The following PLOD2 variants were observed in gnomAD, a reference collection of about 807,000 sequenced individuals.
PLOD2 encodes lysine hydroxylase 2.
Under a neutral mutation model 101.0 loss-of-function variants are expected in PLOD2, and 65 were observed. The observed-to-expected ratio is 0.64, with a 90% confidence interval of 0.53 to 0.79. The LOEUF (loss-of-function observed/expected upper bound fraction) is 0.79, where lower values mean the gene tolerates loss of function less well. Ranked by LOEUF, PLOD2 falls within the 30% of genes least tolerant of loss-of-function variation. The pLI is 0.00. For synonymous variants in PLOD2, 314 were observed against 302.9 expected, an observed-to-expected ratio of 1.04 and a Z score of -0.38; for missense variants, 909 against 914.6, an observed-to-expected ratio of 0.99 and a Z score of 0.08.
intron 1 of PLOD2, among the ~76,000 whole-genome samples, chr3:146,151,268 TG>T (rs1469793419): frequency 6.6e-6 from 1 of 151,886 alleles, no homozygotes; most frequent in Non-Finnish European, 1.5e-5. Flanking sequence ...GAGGCTGAGG[TG>T]GGCGGATCAC....
intron 7 of PLOD2, among the ~76,000 whole-genome samples, chr3:146,098,349 A>C (rs928530059): frequency 4.6e-5 from 7 of 152,218 alleles, no homozygotes; most frequent in African/African-American, 1.7e-4. Flanking sequence ...GTAAACCTTC[A>C]AATTAGAAAC....
rs970553133 is a variant in PLOD2 at position 146,136,675 on chromosome 3, C to T, written c.110-12446G>A. On this transcript the variant is annotated intron_variant, in intron 1 of 19. Transcript: ENST00000282903. ...TAGTGATATAGTAGCAGTCATAGCA[C>T]AATGGGTTGCCTTTTTTATGTTTAG... is the stretch of plus-strand genomic sequence containing the variant. Among the ~76,000 whole-genome samples the T allele has an allele frequency of 2.6e-5, 4 of 152,136 alleles. No homozygotes were observed. The East Asian group carries it at 7.7e-4, about 29-fold the overall frequency.
chr3:146,157,886 T>C (rs1005801029), intron 1 of PLOD2, among the ~76,000 whole-genome samples: 2 of 152,234 alleles, frequency 1.3e-5, no homozygotes, highest in Non-Finnish European at 2.9e-5. Context: ...CATAAATTGC[T>C]GGTTTGCATC....
chr3:146,087,133 C>T (rs1936805050), intron 9 of PLOD2, among the ~76,000 whole-genome samples: 3 of 151,800 alleles, frequency 2.0e-5, no homozygotes, highest in Admixed American at 1.3e-4. Context: ...AGAGAAGATG[C>T]TTCAAAATTC....
rs569502516 is a variant in PLOD2, at chr3:146,137,897, G to A, written c.110-13668C>T. ...AGGAGGTTAAACAATGAAGGGCAAC[G>A]ATAAATCACAGGAGGAAGAAATCAA... On this transcript the variant is annotated intron_variant, in intron 1 of 19. Coordinates refer to ENST00000282903, the MANE Select transcript of PLOD2 (RefSeq NM_182943.3). Among the ~76,000 whole-genome samples the A allele has an allele frequency of 2.7e-4, 41 of 152,250 alleles. No homozygotes were observed. In the South Asian group the frequency reaches 7.7e-3, roughly 28 times the overall value.
intron 3 of PLOD2, among the ~76,000 whole-genome samples, chr3:146,114,966 G>A (rs904972414): frequency 6.6e-6 from 1 of 152,104 alleles, no homozygotes; most frequent in Admixed American, 6.6e-5. Flanking sequence ...CCAGGATTCT[G>A]TAGAAAACTT....
intron 2 of PLOD2, among the ~76,000 whole-genome samples, chr3:146,122,569 G>A (rs1170226431): frequency 6.6e-6 from 1 of 152,106 alleles, no homozygotes; most frequent in Non-Finnish European, 1.5e-5. Flanking sequence ...GGTCTGAGGG[G>A]GAGCCTGATT....
At chr3:146,144,650 G>T (rs901176489) in intron 1 of PLOD2, among the ~76,000 whole-genome samples, 17 of 151,964 alleles carry the variant, frequency 1.1e-4, no homozygotes, top group African/African-American at 4.1e-4. Context: ...ATAAGGTAAT[G>T]GTTATAAAAC....
intron 11 of PLOD2, among the ~76,000 whole-genome samples, chr3:146,082,959 C>T (rs997704024): frequency 6.6e-6 from 1 of 152,022 alleles, no homozygotes; most frequent in Non-Finnish European, 1.5e-5. Context: ...TTTATTCTTC[C>T]GAATTCCTAC....
chr3:146,083,590 T>C (rs1316609021), intron 11 of PLOD2, among the ~76,000 whole-genome samples: 1 of 148,472 alleles, frequency 6.7e-6, no homozygotes, highest in Non-Finnish European at 1.5e-5. Flanking sequence ...TTTTTTTTTT[T>C]TTTTTTTTTG....
rs1413215458 is a variant in PLOD2, at chr3:146,070,044, T to A, written c.*673A>T. On this transcript the variant is annotated 3_prime_UTR_variant, in exon 20 of 20. Transcript: ENST00000282903. ...AATATAATCCACTTTGGAAGATTCA[T>A]CTGAAAGAAACATAGGGTTTGATTT... 2 of 151,924 alleles carry A rather than the reference T, an allele frequency of 1.3e-5. No homozygotes were observed. The highest frequency in any genetic ancestry group is 2.4e-5 in the African/African-American group (1 of 41,436). 9.4% of individuals were successfully genotyped at this position (151,924 alleles called of 1,614,324 possible). A position where few individuals can be genotyped will look rare whatever the true frequency, so the allele number is the denominator to read the frequency against.
At chr3:146,154,658 T>C (rs1369125992) in intron 1 of PLOD2, among the ~76,000 whole-genome samples, 1 of 152,176 alleles carries the variant, frequency 6.6e-6, no homozygotes, top group Non-Finnish European at 1.5e-5. Flanking sequence ...CACTAACAAA[T>C]TAAGCATTTT....
chr3:146,093,677 T>C (rs1475313782), intron 7 of PLOD2, among the ~76,000 whole-genome samples: 1 of 152,112 alleles, frequency 6.6e-6, no homozygotes, highest in Non-Finnish European at 1.5e-5. Flanking sequence ...TCCCAAATAT[T>C]TGGCCATGTC....
At chr3:146,132,231 C>T (rs2030955764) in intron 1 of PLOD2, among the ~76,000 whole-genome samples, 1 of 152,088 alleles carries the variant, frequency 6.6e-6, no homozygotes, top group African/African-American at 2.4e-5. Flanking sequence ...AAATACAGGG[C>T]TTTCAGTTTT....
intron 2 of PLOD2, chr3:146,123,385 GT>G: frequency 2.2e-6 from 1 of 459,478 alleles, no homozygotes; most frequent in Non-Finnish European, 3.2e-6. Context: ...GAGTTTAATA[GT>G]TCTATCAATT....
chr3:146,099,944 G>A (rs147224112), intron 7 of PLOD2, among the ~76,000 whole-genome samples: 1,850 of 148,972 alleles, frequency 0.012, 16 homozygotes, highest in Non-Finnish European at 0.017. Context: ...GAGTAATGGC[G>A]TGATCTTGGC....
Position 146,069,869 on chromosome 3 carries a change from C to T in PLOD2, c.*848G>A, listed in dbSNP as rs183566908. The T allele has an allele frequency of 7.0e-4, 106 of 152,222 alleles. No homozygotes were observed. The highest frequency in any genetic ancestry group is 1.2e-3 in the Admixed American group (18 of 15,180). The allele number at this position is 152,222 out of a possible 1,614,324, so 9.4% of individuals were successfully genotyped here. ...CACTACTCATCTCAATGAAATTTTT[C>T]GTTTTCCTATTTTCTAGAACTTTCT... On this transcript the variant is annotated 3_prime_UTR_variant, in exon 20 of 20. Transcript: ENST00000282903.
chr3:146,073,219 G>A, intron 16 of PLOD2, 68 bp downstream of exon 16: 1 of 639,008 alleles, frequency 1.6e-6, no homozygotes, highest in South Asian at 1.9e-5. Flanking sequence ...TGTGAAAGTA[G>A]TATTAATAAT....
At chr3:146,151,498 A>T (rs1386481454) in intron 1 of PLOD2, among the ~76,000 whole-genome samples, 1 of 135,742 alleles carries the variant, frequency 7.4e-6, no homozygotes, top group African/African-American at 2.5e-5. Flanking sequence ...ACTCCGTTTC[A>T]AAAAAAAAAA....
Sources: allele counts gnomAD v4.1 joint callset (sites outside exome capture counted in the v4.1 genomes callset), GRCh38; gene constraint gnomAD v4.1.1; transcripts MANE v1.5; gene names NCBI Gene and HGNC (gene_info 2026-07-23, HGNC 2026-07-21).